WLS: variants seen among roughly 807,000 people sequenced by gnomAD.
WLS encodes Wnt ligand secretion mediator, also known as protein wntless homolog.
Under a neutral mutation model 62.8 loss-of-function variants are expected in WLS, and 23 were observed. The observed-to-expected ratio is 0.37, with a 90% CI of 0.26 to 0.52. The LOEUF is 0.52. Among genes scored for constraint, WLS ranks in the 20% least tolerant of loss-of-function variants. WLS has a pLI of 0.92. For synonymous variants in WLS, 246 were observed against 244.1 expected (o/e 1.01, Z -0.07); for missense variants, 615 against 697.3 (o/e 0.88, Z 1.33).
At chr1:68,160,239 C>T (rs1360185689) in intron 2 of WLS, among the ~76,000 whole-genome samples, 1 of 152,008 alleles carries the variant, frequency 6.6e-6, no homozygotes, top group Non-Finnish European at 1.5e-5. Context: ...CACTTCCCTC[C>T]CTTGAACCAG....
intron 2 of WLS, among the ~76,000 whole-genome samples, chr1:68,178,113 G>C (rs1647338082): frequency 6.6e-6 from 1 of 152,180 alleles, no homozygotes; most frequent in South Asian, 2.1e-4. Context: ...ACTGCCCTTG[G>C]ACTGTTTCTT....
At chr1:68,118,362 CAG>C (rs1392851301) in intron 11 of WLS, among the ~76,000 whole-genome samples, 2 of 152,184 alleles carry the variant, frequency 1.3e-5, no homozygotes, top group Non-Finnish European at 2.9e-5. Flanking sequence ...TACGTAGTGT[CAG>C]TGAGGATGCG....
chr1:68,184,930 AAAAC>A (rs142586736), intron 2 of WLS, among the ~76,000 whole-genome samples: 32,398 of 151,902 alleles, frequency 0.21, 3,533 homozygotes, highest in East Asian at 0.36. Context: ...AGTGAGGGGA[AAAAC>A]AAACAAACAA....
intron 1 of WLS, among the ~76,000 whole-genome samples, chr1:68,213,689 C>CA (rs59120997): frequency 5.3e-4 from 78 of 147,172 alleles, no homozygotes; most frequent in Admixed American, 1.2e-3. Context: ...CCCCATGTAT[C>CA]AAAAAAAAAA....
chr1:68,137,632 TG>T, intron 11 of WLS, 147 bp downstream of exon 11: 1 of 819,398 alleles, frequency 1.2e-6, no homozygotes, highest in Non-Finnish European at 1.8e-6. Context: ...GTGAGTCCCC[TG>T]GGTGCTCATT....
chr1:68,164,020 G>C (rs531386897), intron 2 of WLS, among the ~76,000 whole-genome samples: 2 of 152,282 alleles, frequency 1.3e-5, no homozygotes, highest in Non-Finnish European at 2.9e-5. Flanking sequence ...AAAAGGAAGA[G>C]ATGATCCATG....
intron 2 of WLS, among the ~76,000 whole-genome samples, chr1:68,176,612 C>T (rs2100555229): frequency 6.6e-6 from 1 of 152,340 alleles, no homozygotes; most frequent in East Asian, 1.9e-4. Context: ...ACCAGGCCCT[C>T]TGTCTTTCAG....
chr1:68,114,825 A>G (rs1039242165), intron 11 of WLS, among the ~76,000 whole-genome samples: 2 of 152,244 alleles, frequency 1.3e-5, no homozygotes, highest in African/African-American at 4.8e-5. Flanking sequence ...AGGGTAAAGC[A>G]AGAACAGAGA....
At chr1:68,133,521 G>T (rs796833752) in intron 11 of WLS, among the ~76,000 whole-genome samples, 1 of 152,148 alleles carries the variant, frequency 6.6e-6, no homozygotes, top group East Asian at 1.9e-4. Context: ...CATTCAAGAT[G>T]GCACAAGGCT....
intron 1 of WLS, among the ~76,000 whole-genome samples, chr1:68,199,711 A>G (rs112456318): frequency 6.6e-6 from 1 of 152,282 alleles, no homozygotes; most frequent in African/African-American, 2.4e-5. Flanking sequence ...ATAGAGCACC[A>G]TAAAGAAGGA....
In WLS at chr1:68,147,478, C is replaced by A. The variant is rs1226322098; in HGVS notation, c.1134+658G>T. 2.0e-5 allele frequency among the ~76,000 whole-genome samples: 3 copies of A among 152,190 alleles called. 1 individual carries two copies. In the East Asian group the frequency reaches 5.8e-4, roughly 29 times the overall value. ...CCATCAAGGAAGAATACAACCCAAG[C>A]CTTTCTCTCCACTCCAGAGCAGAGT... On this transcript the variant is annotated intron_variant, in intron 8 of 11. Transcript: ENST00000262348.
intron 3 of WLS, among the ~76,000 whole-genome samples, chr1:68,158,516 T>C (rs1169813884): frequency 6.6e-6 from 1 of 152,118 alleles, no homozygotes; most frequent in African/African-American, 2.4e-5. Flanking sequence ...ATCTTTTGGC[T>C]TCTCTGGGCC....
rs778454145 is a variant in WLS at position 68,145,914 on chromosome 1, C to T, written c.1233G>A (p.Gln411=). 2.5e-6 allele frequency: 4 copies of T among 1,614,060 alleles called. No homozygotes were observed. The highest frequency in any genetic ancestry group is 3.4e-6 in the Non-Finnish European group (4 of 1,180,044). The part of the protein sequence containing the change: ...FQVFRNISGK[Q]SSLPAMSKVR... ...CTTTGCTCATAGCTGGCAGGCTGGACTGCTTCCCACTGATGTTCCGAAACA... is the reference window on the plus strand; with the variant it reads ...CTTTGCTCATAGCTGGCAGGCTGGATTGCTTCCCACTGATGTTCCGAAACA... Residue 411 remains glutamine, a synonymous_variant, in exon 9 of 12, where the codon CAG becomes CAA. Coordinates refer to ENST00000262348, the MANE Select transcript of WLS (RefSeq NM_024911.7).
intron 3 of WLS, among the ~76,000 whole-genome samples, chr1:68,155,465 C>A (rs759872967): frequency 1.3e-4 from 20 of 152,128 alleles, no homozygotes; most frequent in Non-Finnish European, 1.9e-4. Context: ...ACAACAACAA[C>A]AAAAAACAGC....
chr1:68,197,501 C>A (rs544894001), intron 1 of WLS, among the ~76,000 whole-genome samples: 1 of 152,074 alleles, frequency 6.6e-6, no homozygotes, highest in Non-Finnish European at 1.5e-5. Flanking sequence ...CAACATTTTC[C>A]GTTTTTCTAA....
intron 1 of WLS, among the ~76,000 whole-genome samples, chr1:68,196,139 T>C (rs911656733): frequency 3.3e-5 from 5 of 151,250 alleles, no homozygotes; most frequent in Non-Finnish European, 5.9e-5. Context: ...TATTGAAGAT[T>C]AAATTAAATT....
chr1:68,163,915 G>A (rs560460677), intron 2 of WLS, among the ~76,000 whole-genome samples: 2 of 152,280 alleles, frequency 1.3e-5, no homozygotes, highest in South Asian at 4.1e-4. Flanking sequence ...GAAACAGATA[G>A]GAATAACTGC....
At chr1:68,114,810 G>T (rs1051530986) in intron 11 of WLS, among the ~76,000 whole-genome samples, 1 of 152,256 alleles carries the variant, frequency 6.6e-6, no homozygotes, top group Admixed American at 6.5e-5. Context: ...TATTCCTTCT[G>T]GAATAGGGTA....
intron 1 of WLS, among the ~76,000 whole-genome samples, chr1:68,209,173 C>T (rs752413198): frequency 1.3e-5 from 2 of 152,160 alleles, no homozygotes; most frequent in Admixed American, 6.5e-5. Context: ...AAGTCTTCTC[C>T]AAACATTGCC....
Sources: allele counts gnomAD v4.1 joint callset (sites outside exome capture counted in the v4.1 genomes callset), GRCh38; gene constraint gnomAD v4.1.1; transcripts MANE v1.5; gene names NCBI Gene and HGNC (gene_info 2026-07-23, HGNC 2026-07-21).